Variants in WWC1 observed in about 807,000 individuals in gnomAD.
The protein encoded by WWC1 is protein KIBRA.
In WWC1, 55 loss-of-function variants were observed where a neutral mutation model predicts 138.4. The observed-to-expected ratio is 0.40, with a 90% CI of 0.32 to 0.50. The LOEUF is 0.50. WWC1 is among the 20% of genes least tolerant of loss of function. WWC1 has a pLI of 0.72. For missense variants in WWC1, 1,226 were observed against 1,420.4 expected, an observed-to-expected ratio of 0.86 and a Z score of 2.20; for synonymous variants, 524 against 564.9, an observed-to-expected ratio of 0.93 and a Z score of 1.03.
chr5:168,347,257 C>CGA (rs1774555415), intron 1 of WWC1, among the ~76,000 whole-genome samples: 1 of 152,188 alleles, frequency 6.6e-6, no homozygotes, highest in Admixed American at 6.5e-5. Flanking sequence ...CCTGAGTTCT[C>CGA]GAGTTAACCG....
chr5:168,324,104 G>A (rs890554369), intron 1 of WWC1, among the ~76,000 whole-genome samples: 2 of 152,300 alleles, frequency 1.3e-5, no homozygotes, highest in Non-Finnish European at 2.9e-5. Flanking sequence ...CTTAGAGAAA[G>A]TATCACTAGC....
chr5:168,311,969 A>G, intron 1 of WWC1, among the ~76,000 whole-genome samples: 1 of 152,210 alleles, frequency 6.6e-6, no homozygotes, highest in African/African-American at 2.4e-5. Flanking sequence ...GAATCTCTTG[A>G]ACCTGGGAGG....
At chr5:168,388,243 C>T (rs1582121806) in intron 3 of WWC1, among the ~76,000 whole-genome samples, 1 of 151,954 alleles carries the variant, frequency 6.6e-6, no homozygotes, top group Admixed American at 6.6e-5. Flanking sequence ...AGAGCACAGC[C>T]AGACAAATCC....
chr5:168,446,609 G>A (rs978383138), intron 17 of WWC1, among the ~76,000 whole-genome samples: 1 of 152,210 alleles, frequency 6.6e-6, no homozygotes. Context: ...ACCAAATCAA[G>A]AAGCAGAATG....
chr5:168,311,769 C>T (rs550519254), intron 1 of WWC1, among the ~76,000 whole-genome samples: 1 of 151,986 alleles, frequency 6.6e-6, no homozygotes, highest in African/African-American at 2.4e-5. Context: ...TCTAGCTACT[C>T]AGGAGACTGA....
chr5:168,441,550 C>G, intron 15 of WWC1, 132 bp from the exon 16 acceptor site: 2 of 804,364 alleles, frequency 2.5e-6, no homozygotes, highest in African/African-American at 1.8e-5. Flanking sequence ...AACTTGGCCT[C>G]TCTTCCTGCC....
At chr5:168,374,112 A>C (rs973197290) in intron 2 of WWC1, among the ~76,000 whole-genome samples, 2 of 151,982 alleles carry the variant, frequency 1.3e-5, no homozygotes, top group Non-Finnish European at 2.9e-5. Flanking sequence ...TCGCTCATAC[A>C]TTCACCATCG....
chr5:168,369,821 T>C (rs1231688483), intron 1 of WWC1, among the ~76,000 whole-genome samples: 1 of 152,096 alleles, frequency 6.6e-6, no homozygotes, highest in Non-Finnish European at 1.5e-5. Context: ...GAGTGAGTTT[T>C]AGAGGGCAGG....
chr5:168,359,033 G>GGTGTGTGTGTGTGTGTGT (rs58992917), intron 1 of WWC1, among the ~76,000 whole-genome samples: 11 of 148,300 alleles, frequency 7.4e-5, no homozygotes, highest in African/African-American at 2.8e-4. Context: ...GTGGTGGTGG[G>GGTGTGTGTGTGTGTGTGT]GTGTGTGTGT....
intron 2 of WWC1, among the ~76,000 whole-genome samples, chr5:168,381,065 G>A (rs933565462): frequency 8.5e-5 from 13 of 152,130 alleles, no homozygotes; most frequent in African/African-American, 3.1e-4. Context: ...TCAATTCAGT[G>A]GAAATCTCTC....
At chr5:168,359,464 G>A (rs1170998313) in intron 1 of WWC1, among the ~76,000 whole-genome samples, 1 of 152,142 alleles carries the variant, frequency 6.6e-6, no homozygotes, top group African/African-American at 2.4e-5. Flanking sequence ...TTGTTTGGCT[G>A]TACCACAGTT....
intron 13 of WWC1, among the ~76,000 whole-genome samples, chr5:168,429,429 T>C (rs1781772728): frequency 1.3e-5 from 2 of 151,910 alleles, no homozygotes; most frequent in South Asian, 2.1e-4. Context: ...CGGCTAACTT[T>C]TGTATTTTTA....
At chr5:168,432,990 T>G (rs1297329426) in intron 15 of WWC1, among the ~76,000 whole-genome samples, 1 of 152,202 alleles carries the variant, frequency 6.6e-6, no homozygotes, top group African/African-American at 2.4e-5. Context: ...ATCCTTGCCT[T>G]GATCTGCATG....
intron 2 of WWC1, among the ~76,000 whole-genome samples, chr5:168,383,885 G>T (rs1561686516): frequency 6.6e-6 from 1 of 151,894 alleles, no homozygotes; most frequent in Non-Finnish European, 1.5e-5. Flanking sequence ...TCCATATCTC[G>T]TCAGCTGCTT....
At chr5:168,330,647 A>G (rs919499889) in intron 1 of WWC1, among the ~76,000 whole-genome samples, 1 of 152,096 alleles carries the variant, frequency 6.6e-6, no homozygotes, top group Non-Finnish European at 1.5e-5. Flanking sequence ...ACATGCACTC[A>G]TTCTTCTCTT....
intron 1 of WWC1, among the ~76,000 whole-genome samples, chr5:168,322,914 A>G (rs1772231782): frequency 6.6e-6 from 1 of 152,234 alleles, no homozygotes; most frequent in African/African-American, 2.4e-5. Flanking sequence ...AAAACTCAAC[A>G]TTCTTGAAAG....
chr5:168,439,630 CAAA>C (rs59747531), intron 15 of WWC1, among the ~76,000 whole-genome samples: 4 of 120,946 alleles, frequency 3.3e-5, no homozygotes. Context: ...AACTCTGTCT[CAAA>C]AAAAAAAAAA....
chr5:168,306,131 C>G (rs1194326090), intron 1 of WWC1, among the ~76,000 whole-genome samples: 1 of 152,194 alleles, frequency 6.6e-6, no homozygotes, highest in African/African-American at 2.4e-5. Flanking sequence ...GGTGCAGTGG[C>G]TCACGCCTGT....
chr5:168,303,822 C>T (rs1042689014), intron 1 of WWC1, among the ~76,000 whole-genome samples: 2 of 152,072 alleles, frequency 1.3e-5, no homozygotes, highest in African/African-American at 4.8e-5. Context: ...TCCTTCACCC[C>T]AGGGGACTTT....
Sources: gnomAD v4.1 joint callset for allele counts (sites outside exome capture counted in the v4.1 genomes callset) on GRCh38, gnomAD v4.1.1 for gene constraint, MANE v1.5 for transcripts, NCBI Gene and HGNC (gene_info 2026-07-23, HGNC 2026-07-21) for gene names.